GRM7: variants seen among roughly 807,000 people sequenced by gnomAD.
GRM7 encodes glutamate metabotropic receptor 7, also known as metabotropic glutamate receptor 7.
In GRM7, 35 loss-of-function variants were observed where a neutral mutation model predicts 84.5. The observed-to-expected ratio is 0.41, with a 90% confidence interval of 0.32 to 0.55. The LOEUF (loss-of-function observed/expected upper bound fraction) is 0.55, where lower values mean the gene tolerates loss of function less well. Ranked by LOEUF, GRM7 falls within the 20% of genes least tolerant of loss-of-function variation. GRM7 has a pLI of 0.19. For missense variants in GRM7, 1,003 were observed against 1,194.6 expected, an observed-to-expected ratio of 0.84 and a Z score of 2.36; for synonymous variants, 487 against 455.1, an observed-to-expected ratio of 1.07 and a Z score of -0.89.
chr3:6,906,015 T>A, intron 1 of GRM7, among the ~76,000 whole-genome samples: 1 of 152,330 alleles, frequency 6.6e-6, no homozygotes, highest in East Asian at 1.9e-4. Context: ...CACCTCACCT[T>A]TATTTGGCTT....
intron 9 of GRM7, among the ~76,000 whole-genome samples, chr3:7,704,859 T>C (rs1185239057): frequency 1.3e-5 from 2 of 152,160 alleles, no homozygotes; most frequent in Non-Finnish European, 2.9e-5. Flanking sequence ...CTGAACCTCA[T>C]GTTCAGGTGG....
intron 1 of GRM7, among the ~76,000 whole-genome samples, chr3:7,126,391 C>A (rs963104003): frequency 1.3e-5 from 2 of 152,118 alleles, no homozygotes; most frequent in African/African-American, 4.8e-5. Flanking sequence ...ATTGAAAATC[C>A]CCCCTAATGT....
At chr3:7,238,996 C>CTTTTTTTTTTTTTTTTTTTTTTTTTTT (rs567509392) in intron 2 of GRM7, among the ~76,000 whole-genome samples, 1 of 118,356 alleles carries the variant, frequency 8.4e-6, no homozygotes, top group African/African-American at 3.3e-5. Context: ...TTTCTTTTTT[C>CTTTTTTTTTTTTTTTTTTTTTTTTTTT]CTTTTTCTTT....
chr3:7,139,439 G>A (rs960684026), intron 1 of GRM7, among the ~76,000 whole-genome samples: 2 of 151,794 alleles, frequency 1.3e-5, no homozygotes, highest in African/African-American at 4.8e-5. Context: ...AAGCAAAAAG[G>A]TCTGTAGCAT....
intron 7 of GRM7, among the ~76,000 whole-genome samples, chr3:7,530,559 A>G (rs576985431): frequency 6.6e-6 from 1 of 152,202 alleles, no homozygotes; most frequent in Non-Finnish European, 1.5e-5. Flanking sequence ...CTCTCCTACC[A>G]ACGGTATAAA....
chr3:7,321,974 G>A (rs1271048139), intron 4 of GRM7, among the ~76,000 whole-genome samples: 2 of 152,044 alleles, frequency 1.3e-5, no homozygotes, highest in Admixed American at 1.3e-4. Context: ...TGGCAAATTA[G>A]TGTGTGATTC....
chr3:7,538,385 T>A (rs550704757), intron 7 of GRM7, among the ~76,000 whole-genome samples: 70 of 152,210 alleles, frequency 4.6e-4, no homozygotes, highest in Non-Finnish European at 9.0e-4. Context: ...GTGCTGGGAT[T>A]ACGGGCATGA....
intron 1 of GRM7, among the ~76,000 whole-genome samples, chr3:7,084,278 C>A (rs1407226027): frequency 2.0e-5 from 3 of 152,054 alleles, no homozygotes; most frequent in Non-Finnish European, 4.4e-5. Flanking sequence ...GTTCCTGGGG[C>A]AGCTACAGCA....
chr3:7,552,964 G>A (rs926352295), intron 7 of GRM7, among the ~76,000 whole-genome samples: 2 of 152,214 alleles, frequency 1.3e-5, no homozygotes. Context: ...TAATCAGGCT[G>A]CAAATTTTTC....
intron 1 of GRM7, among the ~76,000 whole-genome samples, chr3:7,073,056 G>A (rs1032556538): frequency 9.2e-5 from 14 of 152,030 alleles, no homozygotes; most frequent in South Asian, 4.1e-4. Flanking sequence ...AGTGAAATGC[G>A]ATGTATTTTC....
chr3:7,454,435 CAG>C (rs1697920410), intron 6 of GRM7, among the ~76,000 whole-genome samples: 2 of 151,956 alleles, frequency 1.3e-5, no homozygotes, highest in South Asian at 4.1e-4. Context: ...TCAACACAGA[CAG>C]TAACAAATAA....
At chr3:7,663,319 T>G (rs1285649543) in intron 8 of GRM7, among the ~76,000 whole-genome samples, 1 of 152,184 alleles carries the variant, frequency 6.6e-6, no homozygotes, top group Non-Finnish European at 1.5e-5. Flanking sequence ...CACAAGGAAC[T>G]GGGCCTTTAT....
chr3:7,118,673 T>G (rs1213611190), intron 1 of GRM7, among the ~76,000 whole-genome samples: 1 of 151,856 alleles, frequency 6.6e-6, no homozygotes, highest in African/African-American at 2.4e-5. Flanking sequence ...TTTCTAGTAG[T>G]GAGATAAAAA....
intron 7 of GRM7, among the ~76,000 whole-genome samples, chr3:7,495,787 G>A (rs977121482): frequency 6.6e-6 from 1 of 152,146 alleles, no homozygotes; most frequent in Non-Finnish European, 1.5e-5. Flanking sequence ...CTGAGTCTGG[G>A]TCACCTTCTG....
At chr3:7,086,836 A>G (rs1698473923) in intron 1 of GRM7, among the ~76,000 whole-genome samples, 1 of 152,238 alleles carries the variant, frequency 6.6e-6, no homozygotes, top group South Asian at 2.1e-4. Context: ...TCAAAATCTC[A>G]GGACTGGAAA....
intron 4 of GRM7, among the ~76,000 whole-genome samples, chr3:7,389,225 T>C (rs1694898573): frequency 6.6e-6 from 1 of 152,162 alleles, no homozygotes; most frequent in Non-Finnish European, 1.5e-5. Context: ...ATTTATTGCA[T>C]TGTGGTCTGA....
At chr3:7,693,101 G>A (rs893624676) in intron 9 of GRM7, among the ~76,000 whole-genome samples, 14 of 151,764 alleles carry the variant, frequency 9.2e-5, no homozygotes, top group Admixed American at 8.5e-4. Context: ...AACATGGTCT[G>A]CTAGAACGGA....
At chr3:7,522,901 G>C (rs986984341) in intron 7 of GRM7, among the ~76,000 whole-genome samples, 1 of 73,668 alleles carries the variant, frequency 1.4e-5, no homozygotes. Flanking sequence ...AAGGAAACAA[G>C]AGAGAGGTAG....
rs75374512 is a variant in GRM7 at position 7,474,750 on chromosome 3, C to T, written c.1515+13028C>T. On this transcript the variant is annotated intron_variant, in intron 7 of 9. Coordinates refer to ENST00000357716, the MANE Select transcript of GRM7 (RefSeq NM_000844.4). ...TATAATTTTGAATGTCATGATGTCA[C>T]GTTTACAGTATTCTAGGGACATGAG... 6.9e-3 allele frequency among the ~76,000 whole-genome samples: 1,054 copies of T among 152,080 alleles called. 9 individuals are homozygous for T. The highest frequency in any genetic ancestry group is 0.024 in the African/African-American group (988 of 41,458).
Sources: gnomAD v4.1 joint callset for allele counts (sites outside exome capture counted in the v4.1 genomes callset) on GRCh38, gnomAD v4.1.1 for gene constraint, MANE v1.5 for transcripts, NCBI Gene and HGNC (gene_info 2026-07-23, HGNC 2026-07-21) for gene names.